Variants in WDR70 observed in about 807,000 individuals in gnomAD.
WDR70 encodes WD repeat domain 70, also known as WD repeat-containing protein 70.
Under a neutral mutation model 88.6 loss-of-function variants are expected in WDR70, and 53 were observed. The observed-to-expected ratio is 0.60, with a 90% CI of 0.48 to 0.75. The LOEUF (loss-of-function observed/expected upper bound fraction) is 0.75. WDR70 is among the 30% of genes least tolerant of loss of function. The probability of loss-of-function intolerance (pLI) is 0.00; values close to 1 mark genes in which losing one functional copy is unlikely to be tolerated. For synonymous variants in WDR70, 280 were observed against 270.0 expected (o/e 1.04, Z -0.36); for missense variants, 610 against 823.2 (o/e 0.74, Z 3.17).
chr5:37,514,339 C>CATATATATAT (rs70978826), intron 8 of WDR70, among the ~76,000 whole-genome samples: 1,069 of 28,622 alleles, frequency 0.037, 124 homozygotes, highest in African/African-American at 0.046. Context: ...TTTAGAACTA[C>CATATATATAT]ATATATATAT....
chr5:37,692,525 G>C (rs192433285), intron 10 of WDR70, among the ~76,000 whole-genome samples: 63 of 152,288 alleles, frequency 4.1e-4, no homozygotes, highest in African/African-American at 1.4e-3. Flanking sequence ...CCATGATCAA[G>C]TCAGCTTCAT....
intron 7 of WDR70, among the ~76,000 whole-genome samples, chr5:37,450,641 C>T (rs950552114): frequency 6.6e-6 from 1 of 152,024 alleles, no homozygotes; most frequent in African/African-American, 2.4e-5. Context: ...ACCTGTGTTC[C>T]AATTTAAATT....
At chr5:37,484,727 A>G (rs1410974605) in intron 8 of WDR70, among the ~76,000 whole-genome samples, 5 of 152,238 alleles carry the variant, frequency 3.3e-5, no homozygotes, top group African/African-American at 7.2e-5. Flanking sequence ...TTTTGCTAAC[A>G]TATCTGTGAG....
Position 37,467,292 on chromosome 5 carries a change from C to G in WDR70, c.687-12542C>G, listed in dbSNP as rs368972046. Among the ~76,000 whole-genome samples the G allele has an allele frequency of 9.3e-5, 14 of 151,292 alleles. 1 individual carries two copies. The South Asian group carries it at 2.7e-3, about 29-fold the overall frequency. The stretch of plus-strand genomic sequence containing the variant: ...CTCACAGTTCTGGAGGCTGGAAGTG[C>G]AAGATCAAAGTGTTGGCAAATTATG... On this transcript the variant is annotated intron_variant, in intron 7 of 17. Coordinates refer to ENST00000265107, the MANE Select transcript of WDR70 (RefSeq NM_018034.4).
chr5:37,721,240 T>C, intron 14 of WDR70, 25 bp downstream of exon 14: 1 of 1,601,470 alleles, frequency 6.2e-7, no homozygotes, highest in Non-Finnish European at 8.6e-7. Context: ...TTGCCTGTTT[T>C]AGATGGATGA....
At position 37,437,980 on chromosome 5, in the gene WDR70, C is replaced by A; in HGVS notation, c.551C>A (p.Thr184Lys). 6.2e-7 allele frequency: 1 copy of A among 1,607,920 alleles called. No homozygotes were observed. The highest frequency in any genetic ancestry group is 1.1e-5 in the South Asian group (1 of 90,008). Residue 184 changes from threonine (T) to lysine (K), a missense_variant and splice_region_variant, in exon 6 of 18, where the codon ACA becomes AAA. Around this residue, in one of 4 missense-constraint regions of WDR70, gnomAD observed 203 missense variants for 228.1 expected, o/e 0.89. Transcript: ENST00000265107. Reference sequence around the variant, plus strand: ...ATAACGCTGAAGCATGGCACTAAAACAGTAAGTTTAAAAATCTAGTTTTTT... The same window carrying A: ...ATAACGCTGAAGCATGGCACTAAAAAAGTAAGTTTAAAAATCTAGTTTTTT... ...HEITLKHGTKTVSALGLDPSG... is the reference protein window; with the variant it reads ...HEITLKHGTKKVSALGLDPSG...
intron 3 of WDR70, among the ~76,000 whole-genome samples, chr5:37,387,193 A>T (rs1021798922): frequency 1.2e-4 from 19 of 152,044 alleles, no homozygotes; most frequent in African/African-American, 4.3e-4. Flanking sequence ...AGTCTACTAG[A>T]TGAGTAACAT....
intron 6 of WDR70, among the ~76,000 whole-genome samples, chr5:37,441,162 G>A (rs1348658516): frequency 1.3e-5 from 2 of 152,190 alleles, no homozygotes; most frequent in Non-Finnish European, 2.9e-5. Flanking sequence ...AAGAAGGATA[G>A]CATAATGAAC....
Position 37,666,106 on chromosome 5 carries a change from G to A in WDR70, c.1093-31549G>A, listed in dbSNP as rs527618815. On this transcript the variant is annotated intron_variant, in intron 10 of 17. Transcript: ENST00000265107. ...ATCTCAGGCAGCTGGACTTCAAAGG[G>A]GGGCACCGCCGGGCTTTCCCTCCCG... Among the ~76,000 whole-genome samples, 440 of 152,330 alleles carry A rather than the reference G, an allele frequency of 2.9e-3. 2 individuals carry two copies. The highest frequency in any genetic ancestry group is 4.4e-3 in the Non-Finnish European group (301 of 68,026).
intron 7 of WDR70, among the ~76,000 whole-genome samples, chr5:37,444,180 T>G (rs1373747212): frequency 6.6e-6 from 1 of 151,698 alleles, no homozygotes; most frequent in African/African-American, 2.4e-5. Context: ...AAACAAAACT[T>G]TGTTTTAAAA....
chr5:37,743,407 C>A (rs1305545824), intron 17 of WDR70, among the ~76,000 whole-genome samples: 4 of 152,254 alleles, frequency 2.6e-5, no homozygotes, highest in Non-Finnish European at 2.9e-5. Context: ...CTTAAGCCTA[C>A]CGAATTCCCA....
At chr5:37,560,747 C>T (rs1742478446) in intron 9 of WDR70, among the ~76,000 whole-genome samples, 1 of 151,786 alleles carries the variant, frequency 6.6e-6, no homozygotes, top group African/African-American at 2.4e-5. Context: ...TGGGCCTTCC[C>T]TGGACATCCT....
At chr5:37,519,423 G>A (rs1741006275) in intron 9 of WDR70, among the ~76,000 whole-genome samples, 1 of 150,884 alleles carries the variant, frequency 6.6e-6, no homozygotes, top group South Asian at 2.1e-4. Context: ...CCCAGACGGG[G>A]CGGCCGGGCG....
chr5:37,499,775 A>T (rs1482870790), intron 8 of WDR70, among the ~76,000 whole-genome samples: 3 of 149,928 alleles, frequency 2.0e-5, no homozygotes, highest in African/African-American at 7.4e-5. Context: ...CTGGTCTTGA[A>T]CTCCTGGGCT....
At chr5:37,607,050 T>C (rs1371376918) in intron 10 of WDR70, among the ~76,000 whole-genome samples, 1 of 151,110 alleles carries the variant, frequency 6.6e-6, no homozygotes, top group Non-Finnish European at 1.5e-5. Flanking sequence ...GCAATTCTTA[T>C]GCCTCAGCCT....
intron 5 of WDR70, among the ~76,000 whole-genome samples, chr5:37,399,150 C>T (rs1191178974): frequency 2.0e-5 from 3 of 152,098 alleles, no homozygotes; most frequent in Non-Finnish European, 4.4e-5. Flanking sequence ...TGGTGGTGGG[C>T]GCCTGTAGTC....
intron 10 of WDR70, among the ~76,000 whole-genome samples, chr5:37,632,717 G>A (rs1447349662): frequency 1.3e-5 from 2 of 152,162 alleles, no homozygotes; most frequent in Non-Finnish European, 2.9e-5. Flanking sequence ...AAAAGTTACA[G>A]TAAGCTACAG....
intron 9 of WDR70, among the ~76,000 whole-genome samples, chr5:37,540,898 A>G (rs1741798005): frequency 6.6e-6 from 1 of 152,160 alleles, no homozygotes; most frequent in African/African-American, 2.4e-5. Context: ...TTTTTTTAAA[A>G]TCTACTTAAT....
At chr5:37,560,790 A>T (rs1439252991) in intron 9 of WDR70, among the ~76,000 whole-genome samples, 2 of 150,820 alleles carry the variant, frequency 1.3e-5, no homozygotes, top group Non-Finnish European at 2.9e-5. Context: ...TATTACATGA[A>T]CAGGGCTTGC....
Sources: gnomAD v4.1 joint callset for allele counts (sites outside exome capture counted in the v4.1 genomes callset) on GRCh38, gnomAD v4.1.1 for gene constraint, gnomAD v4.1.1 regional missense constraint, MANE v1.5 for transcripts, NCBI Gene and HGNC (gene_info 2026-07-23, HGNC 2026-07-21) for gene names.